Variants in SPINK5 observed in about 807,000 individuals in gnomAD.
The protein encoded by SPINK5 is serine peptidase inhibitor Kazal type 5, also known as serine protease inhibitor Kazal-type 5.
In SPINK5, 125 loss-of-function variants were observed where a neutral mutation model predicts 151.8. That is an observed-to-expected ratio of 0.82 (90% CI 0.71 to 0.96). The LOEUF (loss-of-function observed/expected upper bound fraction) is 0.96. SPINK5 is among the 40% of genes least tolerant of loss of function. The pLI is 0.00. For synonymous variants in SPINK5, 374 were observed against 395.3 expected, an observed-to-expected ratio of 0.95 and a Z score of 0.64; for missense variants, 1,194 against 1,291.9, an observed-to-expected ratio of 0.92 and a Z score of 1.16.
chr5:148,083,703 G>A (rs1404212007), intron 4 of SPINK5, among the ~76,000 whole-genome samples: 1 of 146,388 alleles, frequency 6.8e-6, no homozygotes, highest in Non-Finnish European at 1.5e-5. Flanking sequence ...AATTCTTATT[G>A]CTTTTCTCTT....
chr5:148,065,114 A>C (rs1027630879), intron 1 of SPINK5, among the ~76,000 whole-genome samples: 1 of 152,108 alleles, frequency 6.6e-6, no homozygotes, highest in Non-Finnish European at 1.5e-5. Flanking sequence ...TTATTTTCCA[A>C]AGTAATTGTA....
chr5:148,130,643 TACTA>T (rs1195699816), intron 30 of SPINK5, among the ~76,000 whole-genome samples: 3 of 152,190 alleles, frequency 2.0e-5, no homozygotes, highest in Non-Finnish European at 4.4e-5. Flanking sequence ...GTGGAAAACA[TACTA>T]ACAACTAAAA....
chr5:148,079,535 C>T (rs1260895993), intron 4 of SPINK5, among the ~76,000 whole-genome samples: 1 of 150,688 alleles, frequency 6.6e-6, no homozygotes, highest in African/African-American at 2.4e-5. Context: ...AATGAATCTG[C>T]AATATGAAAA....
chr5:148,124,009 A>G (rs1487368490), intron 27 of SPINK5, 49 bp downstream of exon 27: 1 of 1,608,634 alleles, frequency 6.2e-7, no homozygotes, highest in Admixed American at 1.7e-5. Flanking sequence ...CCTGTTTGCT[A>G]GAAATTAGTT....
chr5:148,116,384 A>T lies in SPINK5; in HGVS notation c.2030A>T (p.Glu677Val). The stretch of plus-strand genomic sequence containing the variant: ...CTAATTTCCAGCCAGAAAGAAAATG[A>T]GGAAAGAAAGAGGAAAGAAGAGGAA... Reference protein sequence around the residue: ...MCKAVFQKENEERKRKEEEDQ... With the variant: ...MCKAVFQKENVERKRKEEEDQ... Residue 677 changes from glutamate to valine, a missense_variant, in exon 22 of 33, where the codon GAG (glutamate) becomes GTG (valine). Glu to Val is a moderately radical substitution (Grantham distance 121). Transcript: ENST00000256084. The T allele has an allele frequency of 3.7e-6, 6 of 1,614,108 alleles. No individual in the cohort carries two copies. Among genetic ancestry groups the T allele is most frequent in the Non-Finnish European group, 5.1e-6 (6 of 1,179,958 alleles).
Position 148,137,093 on chromosome 5 carries a change from A to T in SPINK5, c.*102A>T. On this transcript the variant is annotated 3_prime_UTR_variant, in exon 33 of 33. Transcript: ENST00000256084. ...CAAAGAATTCTTCGGAGCTTGTCTT[A>T]TTTGCTATAGAAAACAATACAGAGC... 6.8e-7 allele frequency: 1 copy of T among 1,480,910 alleles called. No homozygotes were observed. The highest frequency in any genetic ancestry group is 2.3e-5 in the East Asian group (1 of 44,104). 91.7% of individuals were successfully genotyped at this position (1,480,910 alleles called of 1,614,324 possible).
chr5:148,125,493 GTGT>G, intron 28 of SPINK5: 1 of 1,590,786 alleles, frequency 6.3e-7, no homozygotes, highest in South Asian at 1.1e-5. Flanking sequence ...GGTCTATCAA[GTGT>G]TGTTTTATGT....
At chr5:148,092,355 C>T (rs566903813) in intron 8 of SPINK5, among the ~76,000 whole-genome samples, 3 of 151,940 alleles carry the variant, frequency 2.0e-5, no homozygotes, top group Non-Finnish European at 4.4e-5. Context: ...TTATGCAACA[C>T]TTGCCAAGGA....
intron 5 of SPINK5, 38 bp downstream of exon 5, chr5:148,086,570 T>C: frequency 1.2e-6 from 2 of 1,606,232 alleles, no homozygotes; most frequent in Non-Finnish European, 1.7e-6. Context: ...CCCTAAAACG[T>C]GTTCTCTCTA....
At chr5:148,096,763 T>TTTA in intron 10 of SPINK5, among the ~76,000 whole-genome samples, 1 of 150,430 alleles carries the variant, frequency 6.6e-6, no homozygotes, top group Non-Finnish European at 1.5e-5. Flanking sequence ...TTTTTTTTTT[T>TTTA]AAGACAATTT....
At chr5:148,123,796 C>G in intron 26 of SPINK5, 37 bp from the exon 27 acceptor site, 1 of 1,613,112 alleles carries the variant, frequency 6.2e-7, no homozygotes, top group Non-Finnish European at 8.5e-7. Context: ...AAAGATTATA[C>G]CATGACAGTA....
intron 3 of SPINK5, among the ~76,000 whole-genome samples, chr5:148,070,922 G>A (rs1235130981): frequency 6.6e-6 from 1 of 152,050 alleles, no homozygotes; most frequent in Non-Finnish European, 1.5e-5. Context: ...TCTGTGAGCT[G>A]CCAGTGTCTT....
Position 148,064,027 on chromosome 5 carries a change from A to C in SPINK5, c.-18A>C. 1.2e-6 allele frequency: 2 copies of C among 1,614,106 alleles called. No homozygotes were observed. The highest frequency in any genetic ancestry group is 1.7e-6 in the Non-Finnish European group (2 of 1,180,010). On this transcript the variant is annotated 5_prime_UTR_variant, in exon 1 of 33. Coordinates refer to ENST00000256084, the MANE Select transcript of SPINK5 (RefSeq NM_006846.4). ...AATGCATGGAGTGGACCTGTAGGCG[A>C]CTTGCATCGTCTTCAACATGAAGAT...
intron 10 of SPINK5, 46 bp downstream of exon 10, chr5:148,095,951 G>C: frequency 8.0e-7 from 1 of 1,246,388 alleles, no homozygotes; most frequent in Non-Finnish European, 1.1e-6. Flanking sequence ...TGTGTGTGTG[G>C]GGGGGTGCGT....
At chr5:148,094,525 A>T in intron 9 of SPINK5, 44 bp downstream of exon 9, 1 of 1,610,982 alleles carries the variant, frequency 6.2e-7, no homozygotes, top group South Asian at 1.1e-5. Flanking sequence ...AAAGGGTGGG[A>T]GTGGAGATTG....
chr5:148,124,921 A>C (rs1754391767), intron 28 of SPINK5, 84 bp downstream of exon 28: 1 of 1,355,726 alleles, frequency 7.4e-7, no homozygotes, highest in African/African-American at 1.5e-5. Flanking sequence ...GGGAATAATA[A>C]ATATATTAAT....
intron 1 of SPINK5, among the ~76,000 whole-genome samples, chr5:148,065,063 G>T (rs1426269787): frequency 6.6e-6 from 1 of 152,050 alleles, no homozygotes; most frequent in East Asian, 1.9e-4. Context: ...AGGACCTTTT[G>T]AAGATAAGCT....
At chr5:148,084,414 G>T (rs1753100371) in intron 4 of SPINK5, among the ~76,000 whole-genome samples, 1 of 151,836 alleles carries the variant, frequency 6.6e-6, no homozygotes, top group African/African-American at 2.4e-5. Context: ...TTAGGAAGAG[G>T]TGTTTTCTGT....
At chr5:148,081,373 T>C (rs1449964328) in intron 4 of SPINK5, among the ~76,000 whole-genome samples, 3 of 151,696 alleles carry the variant, frequency 2.0e-5, no homozygotes, top group African/African-American at 7.3e-5. Context: ...AATGTCCAAA[T>C]GTCCACTGGT....
Sources: allele counts gnomAD v4.1 joint callset (sites outside exome capture counted in the v4.1 genomes callset), GRCh38; gene constraint gnomAD v4.1.1; transcripts MANE v1.5; gene names NCBI Gene and HGNC (gene_info 2026-07-23, HGNC 2026-07-21).